Variants in PUDP observed in about 807,000 individuals in gnomAD.
PUDP encodes pseudouridine-5'-phosphatase.
A neutral mutation model predicts 9.4 loss-of-function variants in PUDP; 8 were observed. That is an observed-to-expected ratio of 0.85 (90% CI 0.50 to 1.53). The LOEUF is 1.53. Ranked by LOEUF, PUDP falls within the 40% of genes most tolerant of loss-of-function variation. The pLI is 0.00. For synonymous variants in PUDP, 99 were observed against 80.7 expected (o/e 1.23, Z -1.22); for missense variants, 188 against 189.7 (o/e 0.99, Z 0.05).
chrX:7,083,005 A>G (rs1276652290), intron 2 of PUDP, among the ~76,000 whole-genome samples: 1 of 112,545 alleles, frequency 8.9e-6, no homozygotes, highest in African/African-American at 3.2e-5. Flanking sequence ...AAACGGAGGC[A>G]GAGACTGAAG....
At chrX:6,776,959 C>T (rs761016440) in intron 3 of PUDP, among the ~76,000 whole-genome samples, 50 of 112,346 alleles carry the variant, frequency 4.5e-4, no homozygotes, top group Non-Finnish European at 8.4e-4. Context: ...CAAATTACAG[C>T]GTTTAGACAT....
intron 3 of PUDP, chrX:7,057,923 G>T (rs1488256988): frequency 3.1e-5 from 17 of 551,828 alleles, no homozygotes; most frequent in Non-Finnish European, 4.7e-5. Context: ...GGCTTGTGAT[G>T]CTCTCGTGTT....
Position 7,117,684 on chromosome X carries a change from T to A in PUDP, c.62-11846A>T, listed in dbSNP as rs369517212. On this transcript the variant is annotated intron_variant, in intron 1 of 3. Transcript: ENST00000381077. ...TTTCAGGAGAGGAATTCAAGCAGGC[T>A]GTGGAGCAACCACTTGCCAGAGAAA... Among the ~76,000 whole-genome samples the A allele has an allele frequency of 3.3e-4, 37 of 113,261 alleles. No individual in the cohort carries two copies. In the South Asian group the frequency reaches 0.013, roughly 40 times the overall value.
rs773793797 is a variant in PUDP at position 6,876,744 on chromosome X, T to C, written c.*247+100389A>G. Among the ~76,000 whole-genome samples, 14 of 105,235 alleles carry C rather than the reference T, an allele frequency of 1.3e-4. 1 individual carries two copies. Among genetic ancestry groups the C allele is most frequent in the Non-Finnish European group, 1.9e-4 (10 of 51,419 alleles). 91.4% of individuals were successfully genotyped at this position (105,235 alleles called of 115,157 possible). On this transcript the variant is annotated intron_variant and NMD_transcript_variant, in intron 3 of 3. Transcript: ENST00000655425. ...ATACATGTAGATGCACATGTGCATGTATGCATGTTTGTGTCTATACATATA... is the reference window on the plus strand; with the variant it reads ...ATACATGTAGATGCACATGTGCATGCATGCATGTTTGTGTCTATACATATA...
intron 3 of PUDP, among the ~76,000 whole-genome samples, chrX:6,954,457 G>A (rs1023637416): frequency 3.6e-5 from 4 of 110,611 alleles, no homozygotes; most frequent in Admixed American, 9.7e-5. Flanking sequence ...GGCTCCTCTC[G>A]GCTTTTACCC....
At chrX:6,726,504 C>T (rs775687192), upstream of PUDP, among the ~76,000 whole-genome samples, 38 of 111,893 alleles carry the variant, frequency 3.4e-4, no homozygotes, top group Non-Finnish European at 5.8e-4. Flanking sequence ...TTGATCATGA[C>T]ACATTGTGTA....
intron 2 of PUDP, among the ~76,000 whole-genome samples, chrX:7,100,935 A>C (rs962122869): frequency 8.9e-6 from 1 of 111,926 alleles, no homozygotes; most frequent in African/African-American, 3.3e-5. Context: ...ATGATTTCTA[A>C]TAATTTTGTC....
chrX:6,857,505 C>T (rs1246173293), intron 3 of PUDP, among the ~76,000 whole-genome samples: 1 of 112,783 alleles, frequency 8.9e-6, no homozygotes, highest in Admixed American at 9.4e-5. Flanking sequence ...ACCATCAGAA[C>T]TCATTGCAGC....
intron 3 of PUDP, among the ~76,000 whole-genome samples, chrX:6,927,841 A>T (rs1928129017): frequency 9.0e-6 from 1 of 110,894 alleles, no homozygotes; most frequent in Admixed American, 9.6e-5. Context: ...AATTCTATGG[A>T]GGGGATTACT....
Position 6,752,648 on chromosome X carries a change from G to GA in PUDP, c.*248-46183dup, listed in dbSNP as rs763596984. 3.5e-3 allele frequency among the ~76,000 whole-genome samples: 392 copies of GA among 111,648 alleles called. 2 individuals are homozygous for GA. The highest frequency in any genetic ancestry group is 5.2e-3 in the Non-Finnish European group (274 of 53,110). ...AGTGACGTCAGGAAGGCAAAGTCAA[G>GA]AAGCCCTCAATGATGCTTTGGATAT... is the stretch of plus-strand genomic sequence containing the variant. On this transcript the variant is annotated intron_variant and NMD_transcript_variant, in intron 3 of 3. Coordinates refer to the PUDP transcript ENST00000655425.
At chrX:7,035,626 T>G (rs1483691196) in intron 1 of PUDP, among the ~76,000 whole-genome samples, 3 of 112,354 alleles carry the variant, frequency 2.7e-5, no homozygotes, top group Non-Finnish European at 5.6e-5. Context: ...ACACAGCTCC[T>G]CTCAGTTGCT....
chrX:6,889,680 T>C (rs764185344), intron 3 of PUDP, among the ~76,000 whole-genome samples: 14 of 112,243 alleles, frequency 1.2e-4, no homozygotes, highest in Non-Finnish European at 1.1e-4. Flanking sequence ...TCTGTCTTCT[T>C]TGTTTTACCT....
intron 3 of PUDP, among the ~76,000 whole-genome samples, chrX:7,070,707 A>G (rs1930706235): frequency 9.0e-6 from 1 of 110,578 alleles, no homozygotes; most frequent in South Asian, 3.9e-4. Context: ...CCTCCCGAGT[A>G]GCTGGGATTA....
At chrX:6,760,158 C>T (rs775428564) in intron 3 of PUDP, among the ~76,000 whole-genome samples, 47 of 112,229 alleles carry the variant, frequency 4.2e-4, no homozygotes, top group African/African-American at 1.3e-3. Context: ...TGTCAGTTAA[C>T]TTGTATGTAT....
chrX:6,707,337 G>A (rs182020494), intron 1 of PUDP, among the ~76,000 whole-genome samples: 1 of 111,412 alleles, frequency 9.0e-6, no homozygotes, highest in East Asian at 2.8e-4. Context: ...ATTTTTCCAT[G>A]GACTGCAGTG....
intron 3 of PUDP, among the ~76,000 whole-genome samples, chrX:6,756,240 A>G (rs1315165731): frequency 8.9e-6 from 1 of 111,834 alleles, no homozygotes; most frequent in Non-Finnish European, 1.9e-5. Context: ...TCTATACTCA[A>G]TAGAAATGAA....
At chrX:6,912,261 TC>T (rs1197466093) in intron 3 of PUDP, among the ~76,000 whole-genome samples, 1 of 111,931 alleles carries the variant, frequency 8.9e-6, no homozygotes. Flanking sequence ...GTTTAAGATT[TC>T]CTTTGTTGAT....
At chrX:7,040,182 G>A (rs1251302998) in intron 1 of PUDP, among the ~76,000 whole-genome samples, 5 of 111,715 alleles carry the variant, frequency 4.5e-5, no homozygotes, top group African/African-American at 1.6e-4. Context: ...CCTGGGCACT[G>A]GTGTGGGGGT....
At chrX:7,039,137 C>T (rs1431168904) in intron 1 of PUDP, among the ~76,000 whole-genome samples, 2 of 110,197 alleles carry the variant, frequency 1.8e-5, no homozygotes, top group African/African-American at 3.3e-5. Context: ...CCCTATGTTG[C>T]CCAGGCTGAC....
Sources: allele counts gnomAD v4.1 joint callset (sites outside exome capture counted in the v4.1 genomes callset), GRCh38; gene constraint gnomAD v4.1.1; transcripts MANE v1.5; gene names NCBI Gene and HGNC (gene_info 2026-07-23, HGNC 2026-07-21).